The following UBE2B variants were observed in gnomAD, a reference collection of about 807,000 sequenced individuals.
UBE2B encodes ubiquitin conjugating enzyme E2 B.
In UBE2B, 11 loss-of-function variants were observed where a neutral mutation model predicts 24.6. That is an observed-to-expected ratio of 0.45 (90% CI 0.28 to 0.74). UBE2B has a LOEUF of 0.74. Ranked by LOEUF, UBE2B falls within the 30% of genes least tolerant of loss-of-function variation. The probability of loss-of-function intolerance (pLI) is 0.13; values close to 1 mark genes in which losing one functional copy is unlikely to be tolerated. For missense variants in UBE2B, 78 were observed against 185.6 expected (o/e 0.42, Z 3.37); for synonymous variants, 68 against 62.4 (o/e 1.09, Z -0.42).
intron 4 of UBE2B, among the ~76,000 whole-genome samples, chr5:134,386,673 C>T (rs34778398): frequency 0.011 from 1,646 of 152,012 alleles, 21 homozygotes; most frequent in African/African-American, 0.036. Flanking sequence ...ATCCATAACC[C>T]TACTATTACA....
chr5:134,381,706 G>A (rs1758712489), intron 4 of UBE2B, among the ~76,000 whole-genome samples: 1 of 152,176 alleles, frequency 6.6e-6, no homozygotes, highest in Non-Finnish European at 1.5e-5. Context: ...CACTTTGGGA[G>A]GCCAAGGTGG....
intron 4 of UBE2B, among the ~76,000 whole-genome samples, chr5:134,384,289 C>T (rs903105228): frequency 9.9e-5 from 15 of 152,018 alleles, no homozygotes; most frequent in African/African-American, 3.4e-4. Flanking sequence ...GGTGACTTTC[C>T]AGTAATAGAT....
chr5:134,376,348 A>AAAAT (rs1554114145), intron 2 of UBE2B, among the ~76,000 whole-genome samples: 2 of 4,776 alleles, frequency 4.2e-4, no homozygotes, highest in African/African-American at 8.9e-4. Flanking sequence ...AAAAAAAAAA[A>AAAAT]ATATATATAT....
Position 134,374,475 on chromosome 5 carries a change from G to C in UBE2B, c.125+12G>C. Reference sequence around the variant, plus strand: ...GCAGTTATATTTGGGTGAGTTGAAAGGTTTAACAAATAATAGGTGTGTGCT... The same window carrying C: ...GCAGTTATATTTGGGTGAGTTGAAACGTTTAACAAATAATAGGTGTGTGCT... On this transcript the variant is annotated intron_variant, in intron 2 of 5. Coordinates refer to ENST00000265339, the MANE Select transcript of UBE2B (RefSeq NM_003337.4). The C allele has an allele frequency of 7.7e-6, 12 of 1,551,978 alleles. No individual in the cohort carries two copies. The highest frequency in any genetic ancestry group is 1.0e-5 in the Non-Finnish European group (12 of 1,147,058).
intron 5 of UBE2B, chr5:134,389,940 C>A: frequency 2.6e-6 from 1 of 386,156 alleles, no homozygotes; most frequent in Non-Finnish European, 4.9e-6. Flanking sequence ...CTTGGCCTCC[C>A]AAAGTGTTAG....
At chr5:134,382,342 A>C (rs1417741246) in intron 4 of UBE2B, among the ~76,000 whole-genome samples, 2 of 152,230 alleles carry the variant, frequency 1.3e-5, no homozygotes, top group African/African-American at 4.8e-5. Context: ...AGTCTCAGCT[A>C]CTTATGGAGG....
At chr5:134,389,854 C>CT (rs965287566) in intron 5 of UBE2B, 1 of 276,068 alleles carries the variant, frequency 3.6e-6, no homozygotes, top group Non-Finnish European at 7.1e-6. Context: ...ACCTCTTTTT[C>CT]TTTTTTAATA....
At chr5:134,389,245 G>A (rs1758860320) in intron 5 of UBE2B, among the ~76,000 whole-genome samples, 1 of 151,960 alleles carries the variant, frequency 6.6e-6, no homozygotes, top group African/African-American at 2.4e-5. Context: ...ACTGCACCAG[G>A]CCAGTTCTGG....
At chr5:134,380,660 G>A in intron 3 of UBE2B, 59 bp from the exon 4 acceptor site, 1 of 995,204 alleles carries the variant, frequency 1.0e-6, no homozygotes, top group Non-Finnish European at 1.6e-6. Context: ...GTTGAGAACT[G>A]ATGAAGAGAT....
At chr5:134,389,798 C>T (rs777370828) in intron 5 of UBE2B, 4 of 199,760 alleles carry the variant, frequency 2.0e-5, no homozygotes, top group East Asian at 1.3e-4. Flanking sequence ...CTGCCCGCCT[C>T]GGCCTCCCAC....
In UBE2B at chr5:134,379,713, G is replaced by A. The variant is rs1450914182; in HGVS notation, c.152-1006G>A. The stretch of plus-strand genomic sequence containing the variant: ...TTTTTTCAAGTACATATTTGTGTGA[G>A]GCCAGATTTTCTTCATGTACTTAAA... On this transcript the variant is annotated intron_variant, in intron 3 of 5. Transcript: ENST00000265339. 3.3e-5 allele frequency among the ~76,000 whole-genome samples: 5 copies of A among 151,634 alleles called. No individual in the cohort carries two copies. The East Asian group carries it at 9.6e-4, about 29-fold the overall frequency.
chr5:134,390,541 A>G lies in UBE2B; in HGVS notation c.*188A>G. ...AATGTACTTTTTATTGCATGGTGTGAACTAAGTTATTGCTGCATAAATTTG... is the reference window on the plus strand; with the variant it reads ...AATGTACTTTTTATTGCATGGTGTGGACTAAGTTATTGCTGCATAAATTTG... On this transcript the variant is annotated 3_prime_UTR_variant, in exon 6 of 6. Transcript: ENST00000265339. This position sits in a 1 kb window ranked among gnomAD's most constrained non-coding sequence, Gnocchi z 4.6. 3 of 615,728 alleles carry G rather than the reference A, an allele frequency of 4.9e-6. No homozygotes were observed. Among genetic ancestry groups the G allele is most frequent in the Non-Finnish European group, 8.2e-6 (3 of 364,798 alleles). 38.1% of individuals were successfully genotyped at this position (615,728 alleles called of 1,614,324 possible). A position where few individuals can be genotyped will look rare whatever the true frequency, so the allele number is the denominator to read the frequency against.
intron 4 of UBE2B, among the ~76,000 whole-genome samples, chr5:134,384,826 C>G (rs778137898): frequency 6.6e-6 from 1 of 152,152 alleles, no homozygotes; most frequent in Non-Finnish European, 1.5e-5. Flanking sequence ...TAACTATTAT[C>G]TTAGCAGTCA....
At chr5:134,377,179 G>T (rs1040782527) in intron 3 of UBE2B, among the ~76,000 whole-genome samples, 2 of 152,172 alleles carry the variant, frequency 1.3e-5, no homozygotes, top group African/African-American at 4.8e-5. Context: ...TTCATCAGGG[G>T]CTAGGAAAAT....
Position 134,391,805 on chromosome 5 carries a change from T to G in UBE2B, c.*1452T>G, listed in dbSNP as rs1758902175. 1 of 152,124 alleles carries G rather than the reference T, an allele frequency of 6.6e-6. No individual in the cohort carries two copies. The highest frequency in any genetic ancestry group is 6.5e-5 in the Admixed American group (1 of 15,270). 9.4% of individuals were successfully genotyped at this position (152,124 alleles called of 1,614,324 possible). Reference sequence around the variant, plus strand: ...TAATAAGACTTTTCTCTACTTTAAATTTTTTAAAAAATTAGTTGGGCATAG... The same window carrying G: ...TAATAAGACTTTTCTCTACTTTAAAGTTTTTAAAAAATTAGTTGGGCATAG... On this transcript the variant is annotated 3_prime_UTR_variant, in exon 6 of 6. Transcript: ENST00000265339.
chr5:134,389,843 G>A (rs984593748), intron 5 of UBE2B: 7 of 271,638 alleles, frequency 2.6e-5, no homozygotes, highest in South Asian at 1.2e-4. Context: ...CACCACACCC[G>A]ACCTCTTTTT....
At chr5:134,382,064 G>A (rs1359130214) in intron 4 of UBE2B, among the ~76,000 whole-genome samples, 2 of 152,054 alleles carry the variant, frequency 1.3e-5, no homozygotes, top group Non-Finnish European at 2.9e-5. Context: ...GTAAGATCCT[G>A]TCTCTACTAA....
At chr5:134,378,059 T>C (rs1409764640) in intron 3 of UBE2B, among the ~76,000 whole-genome samples, 1 of 152,046 alleles carries the variant, frequency 6.6e-6, no homozygotes, top group African/African-American at 2.4e-5. Context: ...GGTACATGCC[T>C]TTAGTCCCAG....
chr5:134,371,669 G>A (rs779569327), intron 1 of UBE2B, 30 bp downstream of exon 1: 1 of 1,613,156 alleles, frequency 6.2e-7, no homozygotes, highest in South Asian at 1.1e-5. Flanking sequence ...CCTAGATGAC[G>A]GCCCCTCAAA....
Sources: allele counts gnomAD v4.1 joint callset (sites outside exome capture counted in the v4.1 genomes callset), GRCh38; gene constraint gnomAD v4.1.1; non-coding constraint Gnocchi (gnomAD v3.1); transcripts MANE v1.5; gene names NCBI Gene and HGNC (gene_info 2026-07-23, HGNC 2026-07-21).